The following PDXK variants were observed in gnomAD, a reference collection of about 807,000 sequenced individuals.
PDXK encodes the protein pyridoxal kinase.
In PDXK, 15 loss-of-function variants were observed where a neutral mutation model predicts 43.2. The ratio of observed to expected loss-of-function variants is 0.35; its 90% CI spans 0.23 to 0.53. The LOEUF (loss-of-function observed/expected upper bound fraction) is 0.53, where lower values mean the gene tolerates loss of function less well. Among genes scored for constraint, PDXK ranks in the 20% least tolerant of loss-of-function variants. The pLI, the probability that PDXK is intolerant of heterozygous loss-of-function variation, is 0.92. For synonymous variants in PDXK, 172 were observed against 165.4 expected, an observed-to-expected ratio of 1.04 and a Z score of -0.31; for missense variants, 343 against 417.0, an observed-to-expected ratio of 0.82 and a Z score of 1.54.
intron 4 of PDXK, among the ~76,000 whole-genome samples, chr21:43,745,153 C>T (rs868654998): frequency 2.6e-5 from 4 of 152,188 alleles, no homozygotes; most frequent in African/African-American, 7.2e-5. Context: ...GGTGTGGTGG[C>T]TCACGCCTGG....
chr21:43,733,264 C>CCCCCCCCCCCCCCCCCCCA (rs2083348521), intron 1 of PDXK, among the ~76,000 whole-genome samples: 1 of 89,136 alleles, frequency 1.1e-5, no homozygotes, highest in Admixed American at 1.1e-4. Flanking sequence ...CCCCCCCCCC[C>CCCCCCCCCCCCCCCCCCCA]GCCCCCCCCG....
chr21:43,746,340 C>T (rs1425867626), intron 5 of PDXK, among the ~76,000 whole-genome samples: 2 of 152,220 alleles, frequency 1.3e-5, no homozygotes, highest in Admixed American at 1.3e-4. Flanking sequence ...GCCGGCCGCA[C>T]AGCCTTGCCA....
intron 5 of PDXK, 60 bp downstream of exon 5, chr21:43,746,185 C>T (rs375390175): frequency 1.5e-6 from 2 of 1,327,260 alleles, no homozygotes; most frequent in African/African-American, 1.4e-5. Context: ...CCTGTCCAGC[C>T]AGAAGACAGG....
At chr21:43,719,444 C>G (rs917635235) in intron 1 of PDXK, 63 bp downstream of exon 1, 6 of 1,441,790 alleles carry the variant, frequency 4.2e-6, no homozygotes, top group South Asian at 3.8e-5. Context: ...CGGGGCTGCC[C>G]GAGACGAGCC....
intron 1 of PDXK, among the ~76,000 whole-genome samples, chr21:43,731,856 C>T (rs539506794): frequency 2.0e-5 from 3 of 152,318 alleles, no homozygotes; most frequent in Admixed American, 6.5e-5. Flanking sequence ...ACACTGGTGT[C>T]GTGGAGGAGA....
intron 1 of PDXK, among the ~76,000 whole-genome samples, chr21:43,731,585 G>A (rs1329491133): frequency 6.6e-6 from 1 of 152,250 alleles, no homozygotes; most frequent in East Asian, 1.9e-4. Context: ...GCTGCTCACA[G>A]GGCACCTGGC....
rs1054051083 is a variant in PDXK at position 43,734,757 on chromosome 21, G to A, written c.142+634G>A. Among the ~76,000 whole-genome samples the A allele has an allele frequency of 3.3e-5, 5 of 152,146 alleles. No homozygotes were observed. Among genetic ancestry groups the A allele is most frequent in the Admixed American group, 3.3e-4 (5 of 15,288 alleles). On this transcript the variant is annotated intron_variant, in intron 2 of 10. Transcript: ENST00000291565. This position sits in a 1 kb window ranked among gnomAD's most constrained non-coding sequence, Gnocchi z 5.0. ...TGCTTTCCATGCCCCCAGCCCCATG[G>A]CCTGGGGGTGGAGGTGCGTGGAGTC...
chr21:43,724,558 A>C (rs1389430103), intron 1 of PDXK, among the ~76,000 whole-genome samples: 1 of 151,904 alleles, frequency 6.6e-6, no homozygotes, highest in African/African-American at 2.4e-5. Context: ...AAGCATCCCC[A>C]AGCCCAGGTG....
chr21:43,743,777 C>G lies in PDXK; in HGVS notation c.301C>G (p.Leu101Val), dbSNP rs2083588811. Residue 101 changes from leucine (L) to valine (V), a missense_variant, in exon 4 of 11, where the codon CTG (leucine) becomes GTG (valine). By Grantham distance (32) the Leu-to-Val change is conservative. Coordinates refer to ENST00000291565, the MANE Select transcript of PDXK (RefSeq NM_003681.5). ...CATGGTGGTGGACATTGTGCAGGAGCTGAAGCAGCAGAACCCCAGGCTGGT... is the reference window on the plus strand; with the variant it reads ...CATGGTGGTGGACATTGTGCAGGAGGTGAAGCAGCAGAACCCCAGGCTGGT... ...LAMVVDIVQE[L>V]KQQNPRLVYV... is the part of the protein sequence containing the mutation. The G allele has an allele frequency of 6.2e-7, 1 of 1,613,618 alleles. No individual in the cohort carries two copies. Among genetic ancestry groups the G allele is most frequent in the African/African-American group, 1.3e-5 (1 of 74,912 alleles).
Position 43,737,540 on chromosome 21 carries a change from G to C in PDXK, c.142+3417G>C. 1 of 1,016,662 alleles carries C rather than the reference G, an allele frequency of 9.8e-7. No homozygotes were observed. The highest frequency in any genetic ancestry group is 1.2e-6 in the Non-Finnish European group (1 of 848,848). 63.0% of individuals were successfully genotyped at this position (1,016,662 alleles called of 1,614,324 possible). ...GGTCAGCGGGTGGACGGGTTGCGCT[G>C]TCCTGGCTTTCGGAGTGTAGAGCCA... On this transcript the variant is annotated intron_variant, in intron 2 of 10. Coordinates refer to ENST00000291565, the MANE Select transcript of PDXK (RefSeq NM_003681.5). The surrounding 1 kb of genome is among the most constrained non-coding windows in gnomAD (Gnocchi z 4.8).
At chr21:43,724,918 G>A (rs2083238739) in intron 1 of PDXK, among the ~76,000 whole-genome samples, 2 of 151,708 alleles carry the variant, frequency 1.3e-5, no homozygotes, top group Non-Finnish European at 2.9e-5. Context: ...AGAGAATACC[G>A]ATGCACTAGG....
intron 9 of PDXK, 50 bp downstream of exon 9, chr21:43,753,769 T>C (rs755451060): frequency 4.5e-6 from 7 of 1,566,656 alleles, no homozygotes; most frequent in Non-Finnish European, 6.1e-6. Context: ...CGGCACCTCA[T>C]GGGGAGCAGG....
At chr21:43,752,409 G>A in intron 7 of PDXK, 109 bp from the exon 8 acceptor site, 1 of 732,392 alleles carries the variant, frequency 1.4e-6, no homozygotes, top group Non-Finnish European at 2.4e-6. Flanking sequence ...GACCGGCCGT[G>A]GCTGATGCTC....
chr21:43,737,251 C>A lies in PDXK; in HGVS notation c.142+3128C>A. On this transcript the variant is annotated intron_variant, in intron 2 of 10. Transcript: ENST00000291565. This position sits in a 1 kb window ranked among gnomAD's most constrained non-coding sequence, Gnocchi z 4.8. ...AGGCTGGGGGGTGGGAAAGCCGATCCCCCAAGTGCCTGCAGAGCCCACCTG... is the reference window on the plus strand; with the variant it reads ...AGGCTGGGGGGTGGGAAAGCCGATCACCCAAGTGCCTGCAGAGCCCACCTG... 7.0e-7 allele frequency: 1 copy of A among 1,424,410 alleles called. No homozygotes were observed. Among genetic ancestry groups the A allele is most frequent in the Non-Finnish European group, 9.2e-7 (1 of 1,092,580 alleles). The allele number at this position is 1,424,410 out of a possible 1,614,324, so 88.2% of individuals were successfully genotyped here.
Position 43,752,579 on chromosome 21 carries a change from C to T in PDXK, c.572C>T (p.Pro191Leu), listed in dbSNP as rs768202173. The T allele has an allele frequency of 6.2e-7, 1 of 1,613,052 alleles. No individual in the cohort carries two copies. Among genetic ancestry groups the T allele is most frequent in the Admixed American group, 1.7e-5 (1 of 59,994 alleles). Residue 191 changes from proline to leucine, a missense_variant, in exon 8 of 11, where the codon CCC (proline) becomes CTC (leucine). Transcript: ENST00000291565. ...DTVVITSSDL[P>L]SPQGSNYLIV... Reference sequence around the variant, plus strand: ...GTGGTCATCACCAGCTCCGACCTGCCCTCCCCGCAGGGCAGCAACTACCTG... The same window carrying T: ...GTGGTCATCACCAGCTCCGACCTGCTCTCCCCGCAGGGCAGCAACTACCTG...
intron 1 of PDXK, among the ~76,000 whole-genome samples, chr21:43,731,425 G>A (rs766045595): frequency 2.0e-4 from 30 of 152,230 alleles, no homozygotes; most frequent in Non-Finnish European, 3.7e-4. Context: ...GGTGAGCGGG[G>A]TCCCTGAAGG....
At chr21:43,733,607 C>T (rs568914702) in intron 1 of PDXK, 27 of 1,032,758 alleles carry the variant, frequency 2.6e-5, no homozygotes, top group African/African-American at 1.2e-4. Context: ...GTGCTGCCCG[C>T]GGAGCCCTTG....
Position 43,761,449 on chromosome 21 carries a change from G to T in PDXK, c.*5386G>T, listed in dbSNP as rs550783723. ...TCTGGCGGATAGGTGGGTGGGAACAGAGAGGGGAGAATGCCGTCCTAAGCT... is the reference window on the plus strand; with the variant it reads ...TCTGGCGGATAGGTGGGTGGGAACATAGAGGGGAGAATGCCGTCCTAAGCT... On this transcript the variant is annotated 3_prime_UTR_variant, in exon 11 of 11. Coordinates refer to ENST00000291565, the MANE Select transcript of PDXK (RefSeq NM_003681.5). The T allele has an allele frequency of 1.9e-5, 3 of 156,446 alleles. No homozygotes were observed. The South Asian group carries it at 5.8e-4, about 30-fold the overall frequency. The allele number at this position is 156,446 out of a possible 1,614,324, so 9.7% of individuals were successfully genotyped here. A position where few individuals can be genotyped will look rare whatever the true frequency, so the allele number is the denominator to read the frequency against.
chr21:43,751,327 T>C (rs1425442870), intron 7 of PDXK, among the ~76,000 whole-genome samples: 1 of 152,168 alleles, frequency 6.6e-6, no homozygotes, highest in African/African-American at 2.4e-5. Flanking sequence ...GGTGGTCAGA[T>C]CACTTGAGGT....
Sources: gnomAD v4.1 joint callset for allele counts (sites outside exome capture counted in the v4.1 genomes callset) on GRCh38, gnomAD v4.1.1 for gene constraint, Gnocchi (gnomAD v3.1) non-coding constraint, MANE v1.5 for transcripts, NCBI Gene and HGNC (gene_info 2026-07-23, HGNC 2026-07-21) for gene names.